The following KLHDC4 variants were observed in gnomAD, a reference collection of about 807,000 sequenced individuals.
KLHDC4 encodes kelch domain-containing protein 4.
KLHDC4 carries 90 observed loss-of-function variants against 62.4 expected under a neutral mutation model. The observed-to-expected ratio is 1.44, with a 90% CI of 1.22 to 1.72. The LOEUF (loss-of-function observed/expected upper bound fraction) is 1.72, where lower values mean the gene tolerates loss of function less well. KLHDC4 is among the 40% of genes most tolerant of loss of function. The probability of loss-of-function intolerance (pLI) is 0.00; values close to 1 mark genes in which losing one functional copy is unlikely to be tolerated. For missense variants in KLHDC4, 1,025 were observed against 699.7 expected (o/e 1.47, Z -5.25); for synonymous variants, 386 against 284.4 (o/e 1.36, Z -3.59).
downstream of KLHDC4, among the ~76,000 whole-genome samples, chr16:87,707,285 G>GAC (rs1176046683): frequency 2.0e-5 from 3 of 152,220 alleles, no homozygotes; most frequent in Non-Finnish European, 1.5e-5. Context: ...GCCATGTGGG[G>GAC]ACGTTGGGAG....
intron 9 of KLHDC4, chr16:87,710,358 A>G (rs2035552021): frequency 6.6e-6 from 1 of 152,310 alleles, no homozygotes; most frequent in Non-Finnish European, 1.5e-5. Context: ...AAATTTTCCA[A>G]GGATCACTAC....
At chr16:87,747,001 C>T (rs1183078008) in intron 5 of KLHDC4, among the ~76,000 whole-genome samples, 1 of 152,262 alleles carries the variant, frequency 6.6e-6, no homozygotes, top group Non-Finnish European at 1.5e-5. Context: ...TAGGGGCTGC[C>T]ATCCGCAGCT....
At position 87,726,906 on chromosome 16, in the gene KLHDC4, G is replaced by A. The variant is rs369609716; in HGVS notation, c.618C>T (p.Asn206=). 69 of 1,613,772 alleles carry A rather than the reference G, an allele frequency of 4.3e-5. No individual in the cohort carries two copies. Among genetic ancestry groups the A allele is most frequent in the Non-Finnish European group, 5.0e-5 (59 of 1,179,882 alleles). The part of the protein sequence containing the change: ...HESTRDYIYY[N]DVYAFNLDTF... The stretch of plus-strand genomic sequence containing the variant: ...TGTCCAGATTAAAGGCATACACGTC[G>A]TTGTAGTAGATGTAATCCCTGGTTA... The change falls in exon 7 of 12, where the codon AAC becomes AAT. Residue 206 remains asparagine, a synonymous_variant. Coordinates refer to ENST00000270583, the MANE Select transcript of KLHDC4 (RefSeq NM_017566.4).
intron 2 of KLHDC4, among the ~76,000 whole-genome samples, chr16:87,759,955 C>T (rs2045611301): frequency 6.6e-6 from 1 of 152,102 alleles, no homozygotes; most frequent in Admixed American, 6.6e-5. Flanking sequence ...GGTGTCATGC[C>T]CCCATTTTCC....
At chr16:87,731,868 G>A (rs12598265) in intron 5 of KLHDC4, among the ~76,000 whole-genome samples, 1 of 152,158 alleles carries the variant, frequency 6.6e-6, no homozygotes, top group African/African-American at 2.4e-5. Flanking sequence ...AAACAAAAAG[G>A]AATTGTTTAC....
Position 87,726,794 on chromosome 16 carries a change from T to A in KLHDC4, c.730A>T (p.Ile244Phe), listed in dbSNP as rs1382550603. The A allele has an allele frequency of 1.5e-5, 24 of 1,601,908 alleles. No homozygotes were observed. The highest frequency in any genetic ancestry group is 2.0e-5 in the Non-Finnish European group (24 of 1,175,318). ...CQMSVTPQGG[I>F]VVYGGYSKQR... is the part of the protein sequence containing the mutation. ...TTCGAGTAGCCCCCATAGACGACGA[T>A]GCCGCCCTGGGGAGTGACGGACATC... The change falls in exon 7 of 12, where the codon ATC (isoleucine) becomes TTC (phenylalanine). Residue 244 changes from isoleucine (I) to phenylalanine (F), a missense_variant. By Grantham distance (21) the Ile-to-Phe change is conservative (BLOSUM62 0). Coordinates refer to ENST00000270583, the MANE Select transcript of KLHDC4 (RefSeq NM_017566.4).
chr16:87,715,363 A>G (rs1313373360), intron 7 of KLHDC4, among the ~76,000 whole-genome samples: 2 of 152,002 alleles, frequency 1.3e-5, no homozygotes, highest in Admixed American at 1.3e-4. Context: ...CCCAGCATGA[A>G]TACCTTCCTC....
At chr16:87,708,233 C>G in intron 11 of KLHDC4, 117 bp downstream of exon 11, 1 of 707,920 alleles carries the variant, frequency 1.4e-6, no homozygotes, top group East Asian at 2.7e-5. Flanking sequence ...AATTACTCCA[C>G]ACACCAACGT....
chr16:87,764,861 A>T (rs2046397053), intron 1 of KLHDC4, among the ~76,000 whole-genome samples: 1 of 151,390 alleles, frequency 6.6e-6, no homozygotes, highest in Non-Finnish European at 1.5e-5. Flanking sequence ...GAAAGAGCCT[A>T]AGAGGAGTGT....
At chr16:87,702,694 G>A (rs373984223), upstream of KLHDC4, 4 of 212,672 alleles carry the variant, frequency 1.9e-5, no homozygotes, top group African/African-American at 4.6e-5. Context: ...AGGCACCCTC[G>A]CTCCAGCTGC....
chr16:87,751,645 G>T (rs1022080485), intron 4 of KLHDC4, among the ~76,000 whole-genome samples: 1 of 152,088 alleles, frequency 6.6e-6, no homozygotes, highest in African/African-American at 2.4e-5. Flanking sequence ...CTGGCCAGGT[G>T]CAGTGGCTCA....
chr16:87,709,425 C>A lies in KLHDC4; in HGVS notation c.1287G>T (p.Pro429=). ...CCAGCATGGCGTTGGAGCGTGGACA[C>A]GGCCCAGGTGCGGGGCTGCCGGCCT... ...LEEAGSPAPG[P]CPRSNAMLAV... The change falls in exon 10 of 12, where the codon CCG becomes CCT. Residue 429 remains proline, a synonymous_variant. Transcript: ENST00000270583. The A allele has an allele frequency of 6.2e-7, 1 of 1,612,976 alleles. No individual in the cohort carries two copies. Among genetic ancestry groups the A allele is most frequent in the Admixed American group, 1.7e-5 (1 of 60,028 alleles).
chr16:87,751,048 T>TA (rs1204688508), intron 4 of KLHDC4: 2 of 152,208 alleles, frequency 1.3e-5, no homozygotes, highest in African/African-American at 4.8e-5. Context: ...ACACAGTAAA[T>TA]AGAGTTTTAA....
intron 7 of KLHDC4, among the ~76,000 whole-genome samples, chr16:87,721,173 C>A (rs535400289): frequency 3.9e-5 from 6 of 152,312 alleles, no homozygotes; most frequent in Non-Finnish European, 7.3e-5. Context: ...GTAATCCCAG[C>A]ACTTTGGGAG....
At chr16:87,741,236 A>G (rs1468325819) in intron 5 of KLHDC4, among the ~76,000 whole-genome samples, 1 of 152,182 alleles carries the variant, frequency 6.6e-6, no homozygotes, top group Admixed American at 6.5e-5. Flanking sequence ...CCGCCAGCCA[A>G]CCAACCAACA....
chr16:87,721,608 C>A (rs74039491), intron 7 of KLHDC4, among the ~76,000 whole-genome samples: 1 of 152,026 alleles, frequency 6.6e-6, no homozygotes, highest in Non-Finnish European at 1.5e-5. Flanking sequence ...AGCTCTGGCT[C>A]CGAGGTCAGC....
exon 1 of KLHDC4, chr16:87,701,851 A>C (rs2034158503): frequency 2.2e-5 from 10 of 456,432 alleles, no homozygotes; most frequent in South Asian, 1.5e-4. Context: ...AACAGCTGCC[A>C]TCCACACCGA....
chr16:87,747,411 G>A (rs1190622917), intron 5 of KLHDC4, among the ~76,000 whole-genome samples: 1 of 152,248 alleles, frequency 6.6e-6, no homozygotes, highest in Non-Finnish European at 1.5e-5. Context: ...TGTGTGCTGA[G>A]TGGAAATACG....
At chr16:87,727,149 T>C (rs2039509369) in intron 6 of KLHDC4, among the ~76,000 whole-genome samples, 1 of 148,804 alleles carries the variant, frequency 6.7e-6, no homozygotes, top group Non-Finnish European at 1.5e-5. Flanking sequence ...AACTCAATCT[T>C]GACGCAATCT....
Sources: allele counts gnomAD v4.1 joint callset (sites outside exome capture counted in the v4.1 genomes callset), GRCh38; gene constraint gnomAD v4.1.1; transcripts MANE v1.5; gene names NCBI Gene and HGNC (gene_info 2026-07-23, HGNC 2026-07-21).